SPATS2: variants seen among roughly 807,000 people sequenced by gnomAD.
SPATS2 encodes the protein spermatogenesis-associated serine-rich protein 2.
SPATS2 carries 38 observed loss-of-function variants against 63.7 expected under a neutral mutation model. The observed-to-expected ratio is 0.60, with a 90% CI of 0.46 to 0.78. The LOEUF is 0.78. Among genes scored for constraint, SPATS2 ranks in the 30% least tolerant of loss-of-function variants. The pLI, the probability that SPATS2 is intolerant of heterozygous loss-of-function variation, is 0.00. For missense variants in SPATS2, 588 were observed against 666.2 expected, an observed-to-expected ratio of 0.88 and a Z score of 1.29; for synonymous variants, 207 against 232.9, an observed-to-expected ratio of 0.89 and a Z score of 1.01.
intron 2 of SPATS2, among the ~76,000 whole-genome samples, chr12:49,390,351 A>G (rs1592351671): frequency 1.3e-5 from 2 of 152,390 alleles, no homozygotes; most frequent in East Asian, 3.8e-4. Context: ...TAATTGGAAA[A>G]TAGAAACTGA....
intron 3 of SPATS2, chr12:49,469,651 G>A (rs1371442204): frequency 2.6e-6 from 1 of 388,946 alleles, no homozygotes; most frequent in Non-Finnish European, 5.0e-6. Context: ...AGCACTTTAG[G>A]AGGCTGAGGC....
intron 3 of SPATS2, among the ~76,000 whole-genome samples, chr12:49,465,738 G>T (rs1044330576): frequency 6.6e-6 from 1 of 152,182 alleles, no homozygotes; most frequent in African/African-American, 2.4e-5. Context: ...GAGGTCAGGA[G>T]TTCAAGACCA....
At chr12:49,448,937 C>T (rs1945566403) in intron 2 of SPATS2, among the ~76,000 whole-genome samples, 1 of 152,140 alleles carries the variant, frequency 6.6e-6, no homozygotes, top group African/African-American at 2.4e-5. Flanking sequence ...CTTTATGTGC[C>T]ATATGGTCTG....
chr12:49,437,292 C>T (rs1945328424), intron 2 of SPATS2, among the ~76,000 whole-genome samples: 1 of 151,780 alleles, frequency 6.6e-6, no homozygotes, highest in East Asian at 1.9e-4. Flanking sequence ...AGAGACGCTC[C>T]TCACTTCCTA....
intron 2 of SPATS2, among the ~76,000 whole-genome samples, chr12:49,432,660 A>T (rs1161961703): frequency 6.6e-6 from 1 of 152,208 alleles, no homozygotes; most frequent in Non-Finnish European, 1.5e-5. Context: ...ACCTCATATA[A>T]GTGGAATCAT....
chr12:49,523,382 G>A (rs1480036089), intron 12 of SPATS2, among the ~76,000 whole-genome samples: 2 of 151,622 alleles, frequency 1.3e-5, no homozygotes, highest in Middle Eastern at 3.2e-3. Context: ...TCAGGAGGTG[G>A]GGTGGGGGTG....
chr12:49,398,319 G>A (rs1481527375), intron 2 of SPATS2, among the ~76,000 whole-genome samples: 2 of 152,036 alleles, frequency 1.3e-5, no homozygotes, highest in African/African-American at 2.4e-5. Context: ...TTAAACAGGA[G>A]AATGACACGA....
At chr12:49,404,481 G>A (rs367652679) in intron 2 of SPATS2, among the ~76,000 whole-genome samples, 5 of 151,934 alleles carry the variant, frequency 3.3e-5, no homozygotes, top group African/African-American at 1.2e-4. Context: ...GTCTTGCTAT[G>A]TTGCCAAAGC....
At chr12:49,520,687 T>A (rs1160099302) in intron 11 of SPATS2, among the ~76,000 whole-genome samples, 1 of 152,330 alleles carries the variant, frequency 6.6e-6, no homozygotes, top group African/African-American at 2.4e-5. Context: ...TTATAATCTA[T>A]TTATAACAAT....
At chr12:49,515,030 ACTTT>A (rs1212807058) in intron 10 of SPATS2, among the ~76,000 whole-genome samples, 1 of 152,062 alleles carries the variant, frequency 6.6e-6, no homozygotes, top group African/African-American at 2.4e-5. Context: ...CTATCTCAGA[ACTTT>A]CTTTGTTTTC....
Position 49,453,173 on chromosome 12 carries a change from A to G in SPATS2, c.-243-7597A>G, listed in dbSNP as rs570964050. ...GAGACTCCGTCTCAAAAAAAAAAAA[A>G]AAAAGAAATTTGGAGTCTGTTTGCG... is the stretch of plus-strand genomic sequence containing the variant. On this transcript the variant is annotated intron_variant, in intron 2 of 13. Transcript: ENST00000552918. Among the ~76,000 whole-genome samples the G allele has an allele frequency of 4.7e-4, 72 of 151,968 alleles. No homozygotes were observed. In the South Asian group the frequency reaches 0.012, roughly 26 times the overall value.
At chr12:49,451,846 T>C (rs1945628670) in intron 2 of SPATS2, among the ~76,000 whole-genome samples, 1 of 152,348 alleles carries the variant, frequency 6.6e-6, no homozygotes, top group African/African-American at 2.4e-5. Context: ...TGTCTTTATT[T>C]CACCTTCATT....
At chr12:49,495,072 T>A in intron 7 of SPATS2, 70 bp downstream of exon 7, 2 of 1,416,196 alleles carry the variant, frequency 1.4e-6, no homozygotes, top group Non-Finnish European at 1.9e-6. Flanking sequence ...GTTGAGAAAG[T>A]GATCAATTAA....
At chr12:49,479,648 C>G (rs769696523) in intron 3 of SPATS2, among the ~76,000 whole-genome samples, 1 of 152,194 alleles carries the variant, frequency 6.6e-6, no homozygotes, top group Non-Finnish European at 1.5e-5. Flanking sequence ...CCTGCTCCCC[C>G]TGCCACCCAC....
chr12:49,497,488 G>A (rs963066797), intron 8 of SPATS2, among the ~76,000 whole-genome samples: 2 of 150,846 alleles, frequency 1.3e-5, no homozygotes, highest in East Asian at 2.0e-4. Flanking sequence ...TCCGCCTCCC[G>A]GGTTCATGCC....
intron 3 of SPATS2, among the ~76,000 whole-genome samples, chr12:49,481,426 A>G (rs574997540): frequency 2.2e-4 from 33 of 152,094 alleles, no homozygotes; most frequent in African/African-American, 7.7e-4. Flanking sequence ...AGTGAAATAA[A>G]TAAGAAAGCT....
intron 6 of SPATS2, among the ~76,000 whole-genome samples, chr12:49,491,976 C>T (rs1946390089): frequency 6.6e-6 from 1 of 152,114 alleles, no homozygotes; most frequent in South Asian, 2.1e-4. Flanking sequence ...TTCTGAAATG[C>T]TTTCATCATG....
intron 2 of SPATS2, among the ~76,000 whole-genome samples, chr12:49,436,168 A>T (rs1945281082): frequency 6.6e-6 from 1 of 151,608 alleles, no homozygotes; most frequent in African/African-American, 2.4e-5. Flanking sequence ...TACACCTCCC[A>T]GACGGGGTGG....
At chr12:49,490,644 T>C (rs774929279) in intron 5 of SPATS2, 38 bp from the exon 6 acceptor site, 2 of 1,596,150 alleles carry the variant, frequency 1.3e-6, no homozygotes, top group Non-Finnish European at 1.7e-6. Flanking sequence ...ACTGTGTGTG[T>C]GGTAGGAGAC....
Sources: gnomAD v4.1 joint callset for allele counts (sites outside exome capture counted in the v4.1 genomes callset) on GRCh38, gnomAD v4.1.1 for gene constraint, MANE v1.5 for transcripts, NCBI Gene and HGNC (gene_info 2026-07-23, HGNC 2026-07-21) for gene names.